Variants in GLDN observed in about 807,000 individuals in gnomAD.
GLDN encodes collomin.
In GLDN, 47 loss-of-function variants were observed where a neutral mutation model predicts 56.5. The observed-to-expected ratio is 0.83, with a 90% CI of 0.66 to 1.06. The LOEUF (loss-of-function observed/expected upper bound fraction) is 1.06. GLDN is among the 50% of genes least tolerant of loss of function. GLDN has a pLI of 0.00. For missense variants in GLDN, 782 were observed against 714.3 expected (o/e 1.09, Z -1.08); for synonymous variants, 332 against 278.8 (o/e 1.19, Z -1.90).
At chr15:51,351,651 C>T in intron 1 of GLDN, among the ~76,000 whole-genome samples, 1 of 152,210 alleles carries the variant, frequency 6.6e-6, no homozygotes, top group East Asian at 1.9e-4. Flanking sequence ...GGCTCACCTG[C>T]CCATGGTACT....
intron 4 of GLDN, among the ~76,000 whole-genome samples, chr15:51,389,486 A>G (rs2037970126): frequency 6.6e-6 from 1 of 152,188 alleles, no homozygotes; most frequent in Non-Finnish European, 1.5e-5. Context: ...AGGAGGCAAT[A>G]CTGCCAGAAG....
intron 1 of GLDN, among the ~76,000 whole-genome samples, chr15:51,371,092 C>T (rs2037507705): frequency 6.6e-6 from 1 of 152,140 alleles, no homozygotes; most frequent in African/African-American, 2.4e-5. Context: ...TCATGAACCT[C>T]CCAGCTTTTT....
chr15:51,404,523 C>A lies in GLDN; in HGVS notation c.1425C>A (p.Ala475=). The change falls in exon 10 of 10, where the codon GCC becomes GCA. Residue 475 remains alanine, a synonymous_variant. Transcript: ENST00000335449. The stretch of plus-strand genomic sequence containing the variant: ...ACCCTAAATCCAAGGCTGGCAACGC[C>A]TTCATTGCCCGAGGAATCCTCTATG... ...TTYPKSKAGN[A]FIARGILYVT... 1.2e-6 allele frequency: 2 copies of A among 1,614,112 alleles called. No homozygotes were observed. Among genetic ancestry groups the A allele is most frequent in the East Asian group, 2.2e-5 (1 of 44,878 alleles).
chr15:51,378,833 G>A (rs1378331926), intron 2 of GLDN, among the ~76,000 whole-genome samples: 1 of 152,190 alleles, frequency 6.6e-6, no homozygotes, highest in Non-Finnish European at 1.5e-5. Context: ...TTGGGGGCAG[G>A]GTAGTGGGCA....
chr15:51,412,376 G>A (rs1187488362), downstream of GLDN, among the ~76,000 whole-genome samples: 1 of 152,174 alleles, frequency 6.6e-6, no homozygotes, highest in Non-Finnish European at 1.5e-5. Flanking sequence ...AGGAGACTCA[G>A]CAAGTCCTTT....
chr15:51,394,367 C>T (rs1385214737), intron 4 of GLDN, among the ~76,000 whole-genome samples: 2 of 152,168 alleles, frequency 1.3e-5, no homozygotes, highest in African/African-American at 4.8e-5. Context: ...AATTCCAGCA[C>T]TTTGGGAGGC....
chr15:51,369,547 G>C (rs1026735884), intron 1 of GLDN, among the ~76,000 whole-genome samples: 1 of 152,206 alleles, frequency 6.6e-6, no homozygotes, highest in African/African-American at 2.4e-5. Context: ...CATTCTGAGA[G>C]TAAAAGGTGA....
intron 1 of GLDN, among the ~76,000 whole-genome samples, chr15:51,371,546 C>T (rs2037516327): frequency 6.6e-6 from 1 of 152,306 alleles, no homozygotes; most frequent in Admixed American, 6.5e-5. Flanking sequence ...GAATAGTTCC[C>T]TTTTCAGAGA....
At chr15:51,410,937 G>A (rs967618165), downstream of GLDN, among the ~76,000 whole-genome samples, 1 of 152,140 alleles carries the variant, frequency 6.6e-6, no homozygotes, top group African/African-American at 2.4e-5. Flanking sequence ...ACCCCAGGTT[G>A]GTAATAGATA....
intron 1 of GLDN, among the ~76,000 whole-genome samples, chr15:51,362,327 A>G (rs2037315744): frequency 6.6e-6 from 1 of 152,042 alleles, no homozygotes; most frequent in Non-Finnish European, 1.5e-5. Context: ...TCTACCAAAT[A>G]TATACAAATT....
intron 6 of GLDN, 36 bp downstream of exon 6, chr15:51,397,634 G>C (rs1449171201): frequency 6.6e-7 from 1 of 1,518,578 alleles, no homozygotes; most frequent in Non-Finnish European, 8.9e-7. Context: ...CACCTCTTCT[G>C]TCAATTATTC....
At chr15:51,390,388 C>A (rs2037991620) in intron 4 of GLDN, among the ~76,000 whole-genome samples, 1 of 152,182 alleles carries the variant, frequency 6.6e-6, no homozygotes, top group South Asian at 2.1e-4. Context: ...AGAGAAGAGT[C>A]AGAACTGAAA....
In GLDN at chr15:51,341,811, G is replaced by C. The variant is rs760372096; in HGVS notation, c.127G>C (p.Gly43Arg). The change falls in exon 1 of 10, where the codon GGG becomes CGG. Residue 43 changes from glycine (G) to arginine (R), a missense_variant. Gly to Arg is a moderately radical substitution (Grantham distance 125). Transcript: ENST00000335449. ...GGTGTTCGCGCTGTGCCAGTGGCGC[G>C]GGCTGAGCTCGGCGCTGCGGGCTTT... ...GTVFALCQWRGLSSALRALEA... is the reference protein window; with the variant it reads ...GTVFALCQWRRLSSALRALEA... The C allele has an allele frequency of 1.2e-5, 18 of 1,513,742 alleles. No individual in the cohort carries two copies. The highest frequency in any genetic ancestry group is 1.1e-4 in the South Asian group (9 of 81,932). The allele number at this position is 1,513,742 out of a possible 1,614,324, so 93.8% of individuals were successfully genotyped here. A position where few individuals can be genotyped will look rare whatever the true frequency, so the allele number is the denominator to read the frequency against.
In GLDN at chr15:51,407,195, C is replaced by G. The variant is rs1006917330; in HGVS notation, c.*2441C>G. 6.6e-6 allele frequency: 1 copy of G among 151,458 alleles called. No individual in the cohort carries two copies. Among genetic ancestry groups the G allele is most frequent in the African/African-American group, 2.4e-5 (1 of 41,180 alleles). 9.4% of individuals were successfully genotyped at this position (151,458 alleles called of 1,614,324 possible). ...TTTTGCTATGACAGAGTAATGCTAA[C>G]GTAAGGACAACTGAGTTTGATCAGT... is the stretch of plus-strand genomic sequence containing the variant. On this transcript the variant is annotated 3_prime_UTR_variant, in exon 10 of 10. Transcript: ENST00000335449.
At chr15:51,410,181 C>G (rs1372759118), downstream of GLDN, among the ~76,000 whole-genome samples, 1 of 152,188 alleles carries the variant, frequency 6.6e-6, no homozygotes, top group Middle Eastern at 3.2e-3. Flanking sequence ...TCAATCATGC[C>G]CAAGTGGAAA....
chr15:51,401,856 G>A, intron 9 of GLDN, 113 bp downstream of exon 9: 1 of 914,646 alleles, frequency 1.1e-6, no homozygotes, highest in South Asian at 1.7e-5. Context: ...TGTCCCTAGG[G>A]CTGACACACT....
chr15:51,397,626 C>A, intron 6 of GLDN, 28 bp downstream of exon 6: 2 of 1,529,170 alleles, frequency 1.3e-6, no homozygotes. Flanking sequence ...ACGGGGCCCA[C>A]CTCTTCTGTC....
chr15:51,368,298 G>C (rs192063355), intron 1 of GLDN, among the ~76,000 whole-genome samples: 5 of 152,204 alleles, frequency 3.3e-5, no homozygotes, highest in African/African-American at 1.2e-4. Flanking sequence ...AGAAGTCAGC[G>C]TAACAGCGAA....
chr15:51,390,104 C>CTTA (rs2037985297), intron 4 of GLDN, among the ~76,000 whole-genome samples: 1 of 152,188 alleles, frequency 6.6e-6, no homozygotes, highest in Non-Finnish European at 1.5e-5. Context: ...TAGCTGTATG[C>CTTA]CCCTGGGCAA....
Sources: allele counts gnomAD v4.1 joint callset (sites outside exome capture counted in the v4.1 genomes callset), GRCh38; gene constraint gnomAD v4.1.1; transcripts MANE v1.5; gene names NCBI Gene and HGNC (gene_info 2026-07-23, HGNC 2026-07-21).